ARHGEF2: variants seen among roughly 807,000 people sequenced by gnomAD.
The protein encoded by ARHGEF2 is rho guanine nucleotide exchange factor 2.
ARHGEF2 carries 22 observed loss-of-function variants against 121.0 expected under a neutral mutation model. That is an observed-to-expected ratio of 0.18 (90% CI 0.13 to 0.26). The LOEUF (loss-of-function observed/expected upper bound fraction) is 0.26. Ranked by LOEUF, ARHGEF2 falls within the 10% of genes least tolerant of loss-of-function variation. ARHGEF2 has a pLI of 1.00. For synonymous variants in ARHGEF2, 487 were observed against 530.0 expected, an observed-to-expected ratio of 0.92 and a Z score of 1.11; for missense variants, 907 against 1,336.0, an observed-to-expected ratio of 0.68 and a Z score of 5.01.
intron 4 of ARHGEF2, 122 bp downstream of exon 4, chr1:155,966,294 T>C: frequency 1.0e-6 from 1 of 963,228 alleles, no homozygotes; most frequent in Admixed American, 2.0e-5. Flanking sequence ...ACTATCTGCT[T>C]CCAATCAAGA....
In ARHGEF2 at chr1:155,952,970, A is replaced by G. The variant is rs1043310881; in HGVS notation, c.1784-142T>C. 6 of 794,852 alleles carry G rather than the reference A, an allele frequency of 7.5e-6. No individual in the cohort carries two copies. In the African/African-American group the frequency reaches 8.7e-5, roughly 12 times the overall value. 49.2% of individuals were successfully genotyped at this position (794,852 alleles called of 1,614,324 possible). On this transcript the variant is annotated intron_variant, in intron 14 of 21. Coordinates refer to ENST00000361247, the MANE Select transcript of ARHGEF2 (RefSeq NM_001162383.2). Reference sequence around the variant, plus strand: ...TTATTTTGGCATTTATAAAAAAGAAAAAGCTTTCTGTTGGTCAGGTGTAGT... The same window carrying G: ...TTATTTTGGCATTTATAAAAAAGAAGAAGCTTTCTGTTGGTCAGGTGTAGT...
intron 15 of ARHGEF2, 31 bp from the exon 16 acceptor site, chr1:155,952,266 G>C: frequency 6.2e-7 from 1 of 1,612,644 alleles, no homozygotes; most frequent in Non-Finnish European, 8.5e-7. Context: ...GTGAGAACAG[G>C]AATGACACAG....
intron 7 of ARHGEF2, among the ~76,000 whole-genome samples, chr1:155,964,703 T>C (rs1036218970): frequency 1.3e-5 from 2 of 151,884 alleles, no homozygotes; most frequent in African/African-American, 4.8e-5. Flanking sequence ...GCAGATCACC[T>C]GAGGTCAGGA....
chr1:155,948,523 C>T (rs966963753), intron 21 of ARHGEF2, among the ~76,000 whole-genome samples: 15 of 151,886 alleles, frequency 9.9e-5, no homozygotes, highest in Admixed American at 9.9e-4. Flanking sequence ...CCCAGCTACT[C>T]GGGAGGCTGA....
chr1:155,976,004 AG>A (rs1229422173), intron 1 of ARHGEF2, among the ~76,000 whole-genome samples: 2 of 151,968 alleles, frequency 1.3e-5, no homozygotes, highest in African/African-American at 2.4e-5. Flanking sequence ...GGAAGCATGG[AG>A]GGGGCTACAC....
chr1:155,973,982 C>T lies in ARHGEF2; in HGVS notation c.63+4383G>A, dbSNP rs1001278227. ...GCAAGGCCAGGCAGATCCACCCAGGCGAGGTAGAGCTTCTCCAAGCAAGCC... is the reference window on the plus strand; with the variant it reads ...GCAAGGCCAGGCAGATCCACCCAGGTGAGGTAGAGCTTCTCCAAGCAAGCC... On this transcript the variant is annotated intron_variant, in intron 1 of 21. Transcript: ENST00000361247. Among the ~76,000 whole-genome samples, 9 of 151,228 alleles carry T rather than the reference C, an allele frequency of 6.0e-5. No homozygotes were observed. In the South Asian group the frequency reaches 6.3e-4, roughly 11 times the overall value.
At chr1:155,955,529 C>T (rs186100546) in intron 13 of ARHGEF2, among the ~76,000 whole-genome samples, 17 of 152,288 alleles carry the variant, frequency 1.1e-4, no homozygotes, top group Admixed American at 2.0e-4. Context: ...GCTTTGGCAT[C>T]AAGCAAACAG....
intron 11 of ARHGEF2, among the ~76,000 whole-genome samples, chr1:155,959,298 G>T (rs1677401843): frequency 6.6e-6 from 1 of 151,956 alleles, no homozygotes; most frequent in South Asian, 2.1e-4. Context: ...GCCTAGGCTG[G>T]AGTGCAGTGG....
intron 11 of ARHGEF2, among the ~76,000 whole-genome samples, chr1:155,959,060 A>G (rs1440859410): frequency 6.6e-6 from 1 of 152,074 alleles, no homozygotes; most frequent in Non-Finnish European, 1.5e-5. Context: ...TAGGGCCTAC[A>G]GACCCCCTGG....
rs1249577730 is a variant in ARHGEF2 at position 155,978,382 on chromosome 1, T to C, written c.46A>G (p.Arg16Gly). 1 of 1,520,424 alleles carries C rather than the reference T, an allele frequency of 6.6e-7. No homozygotes were observed. The allele number at this position is 1,520,424 out of a possible 1,614,324, so 94.2% of individuals were successfully genotyped here. ...GAGCCCACCTTGCTCGCCAGCTCTC[T>C]GCTCCGGTCGATCCGCGCCCGCGTG... ...SLTRARIDRS[R>G]ELASKTREKE... Residue 16 changes from arginine to glycine, a missense_variant, in exon 1 of 22, where the codon AGA becomes GGA. Arg to Gly is a moderately radical substitution (Grantham distance 125, BLOSUM62 -2). Transcript: ENST00000361247. The surrounding 1 kb of genome is among the most constrained non-coding windows in gnomAD (Gnocchi z 4.1).
In ARHGEF2 at chr1:155,967,015, T is replaced by G. The variant is rs577470854; in HGVS notation, c.209-128A>C. ...GGACTCTCCCCCCTTCCCCGACTTC[T>G]GGGCCATTACCACACCCCAGTCCCT... On this transcript the variant is annotated intron_variant, in intron 2 of 21. Transcript: ENST00000361247. 2.8e-5 allele frequency: 23 copies of G among 830,546 alleles called. No homozygotes were observed. In the Admixed American group the frequency reaches 3.6e-4, roughly 13 times the overall value. 51.4% of individuals were successfully genotyped at this position (830,546 alleles called of 1,614,324 possible). A position where few individuals can be genotyped will look rare whatever the true frequency, so the allele number is the denominator to read the frequency against.
intron 13 of ARHGEF2, among the ~76,000 whole-genome samples, chr1:155,956,308 G>A (rs1411382096): frequency 1.3e-5 from 2 of 151,400 alleles, no homozygotes; most frequent in Non-Finnish European, 2.9e-5. Context: ...CATATTGGCC[G>A]GGCTGGTCTT....
intron 1 of ARHGEF2, chr1:155,970,631 TAGG>T: frequency 1.0e-6 from 1 of 985,420 alleles, no homozygotes; most frequent in Non-Finnish European, 1.2e-6. Context: ...GCCCGGACTC[TAGG>T]AGACCAGTAC....
At chr1:155,960,468 TAA>T (rs1248773492) in intron 11 of ARHGEF2, among the ~76,000 whole-genome samples, 5 of 77,914 alleles carry the variant, frequency 6.4e-5, no homozygotes, top group Admixed American at 1.4e-4. Context: ...ACCCTGTTTC[TAA>T]AAAAAAAAAA....
At chr1:155,952,309 G>A in intron 15 of ARHGEF2, 74 bp from the exon 16 acceptor site, 1 of 1,589,686 alleles carries the variant, frequency 6.3e-7, no homozygotes, top group Non-Finnish European at 8.6e-7. Flanking sequence ...ACCCCCACAT[G>A]TGGGACACTT....
chr1:155,958,531 G>A, intron 11 of ARHGEF2, 135 bp from the exon 12 acceptor site: 2 of 613,946 alleles, frequency 3.3e-6, no homozygotes, highest in South Asian at 2.1e-5. Context: ...TCTTCCCTCT[G>A]GCTGCTTGCA....
Position 155,978,171 on chromosome 1 carries a change from C to A in ARHGEF2, c.63+194G>T, listed in dbSNP as rs1681663462. The A allele has an allele frequency of 7.7e-7, 1 of 1,302,970 alleles. No individual in the cohort carries two copies. Among genetic ancestry groups the A allele is most frequent in the South Asian group, 1.9e-5 (1 of 52,668 alleles). The allele number at this position is 1,302,970 out of a possible 1,614,324, so 80.7% of individuals were successfully genotyped here. ...CCCTCCCGGGATCCCAGCACCGTCG[C>A]GTCTGCCGCTCCCCCCACCCCTACC... is the stretch of plus-strand genomic sequence containing the variant. On this transcript the variant is annotated intron_variant, in intron 1 of 21. Transcript: ENST00000361247. This position sits in a 1 kb window ranked among gnomAD's most constrained non-coding sequence, Gnocchi z 4.1.
chr1:155,976,384 G>C (rs2102697414), intron 1 of ARHGEF2, among the ~76,000 whole-genome samples: 1 of 151,726 alleles, frequency 6.6e-6, no homozygotes, highest in South Asian at 2.1e-4. Flanking sequence ...CCCTTCTCCG[G>C]TGGCCTCTTT....
intron 1 of ARHGEF2, among the ~76,000 whole-genome samples, chr1:155,975,309 C>G (rs770139764): frequency 6.6e-6 from 1 of 152,128 alleles, no homozygotes; most frequent in African/African-American, 2.4e-5. Context: ...ACATCTGTCC[C>G]CTCCTTGATT....
Sources: allele counts gnomAD v4.1 joint callset (sites outside exome capture counted in the v4.1 genomes callset), GRCh38; gene constraint gnomAD v4.1.1; non-coding constraint Gnocchi (gnomAD v3.1); transcripts MANE v1.5; gene names NCBI Gene and HGNC (gene_info 2026-07-23, HGNC 2026-07-21).